SENP5: variants seen among roughly 807,000 people sequenced by gnomAD.
SENP5 encodes the protein sentrin-specific protease 5.
Under a neutral mutation model 74.2 loss-of-function variants are expected in SENP5, and 21 were observed. That is an observed-to-expected ratio of 0.28 (90% confidence interval 0.20 to 0.41). The LOEUF is 0.41. Ranked by LOEUF, SENP5 falls within the 10% of genes least tolerant of loss-of-function variation. The pLI is 1.00. For missense variants in SENP5, 717 were observed against 889.1 expected (o/e 0.81, Z 2.46); for synonymous variants, 311 against 312.7 (o/e 0.99, Z 0.06).
Position 196,885,274 on chromosome 3 carries a change from T to A in SENP5, c.93T>A (p.Phe31Leu), listed in dbSNP as rs751771901. 1.9e-6 allele frequency: 3 copies of A among 1,614,046 alleles called. No homozygotes were observed. The highest frequency in any genetic ancestry group is 2.5e-6 in the Non-Finnish European group (3 of 1,180,030). ...WNTGFGGFKK[F>L]YFHQHLCILK... The stretch of plus-strand genomic sequence containing the variant: ...CTGGGTTTGGAGGCTTTAAGAAGTT[T>A]TATTTTCACCAACACTTGTGCATTC... Residue 31 changes from phenylalanine to leucine, a missense_variant, in exon 2 of 10, where the codon TTT becomes TTA. Transcript: ENST00000323460.
intron 2 of SENP5, among the ~76,000 whole-genome samples, chr3:196,893,489 T>C (rs997596077): frequency 7.2e-5 from 11 of 152,212 alleles, no homozygotes; most frequent in African/African-American, 2.7e-4. Flanking sequence ...AGAGTTTTAA[T>C]TGTTACATTA....
At position 196,919,671 on chromosome 3, in the gene SENP5, C is replaced by T. The variant is rs144565055; in HGVS notation, c.1885-3743C>T. Among the ~76,000 whole-genome samples the T allele has an allele frequency of 1.3e-4, 19 of 151,908 alleles. 1 individual carries two copies. The highest frequency in any genetic ancestry group is 4.1e-4 in the African/African-American group (17 of 41,418). On this transcript the variant is annotated intron_variant, in intron 6 of 9. Transcript: ENST00000323460. ...AGCTGGGTGTGGTGGAGCATGCCTG[C>T]AATACCAGCTACTTGGGAGGCTGAG...
At chr3:196,879,525 G>A (rs966061382) in intron 1 of SENP5, among the ~76,000 whole-genome samples, 1 of 152,098 alleles carries the variant, frequency 6.6e-6, no homozygotes, top group African/African-American at 2.4e-5. Context: ...ACTTTTGACC[G>A]CTCCCTTCTG....
intron 6 of SENP5, chr3:196,914,586 A>AAAAAAAAAATATATATATATAT: frequency 2.1e-3 from 70 of 33,436 alleles, no homozygotes; most frequent in Non-Finnish European, 2.8e-3. Context: ...AAAAAAAAAA[A>AAAAAAAAAATATATATATATAT]ATATATATAT....
chr3:196,879,306 A>G (rs924463908), intron 1 of SENP5, among the ~76,000 whole-genome samples: 2 of 152,240 alleles, frequency 1.3e-5, no homozygotes, highest in Non-Finnish European at 2.9e-5. Flanking sequence ...TAGTTAAGCC[A>G]TGTAGTATAC....
chr3:196,914,342 A>T (rs1346068200), intron 6 of SENP5: 1 of 151,838 alleles, frequency 6.6e-6, no homozygotes, highest in African/African-American at 2.4e-5. Context: ...TAGTAAACTG[A>T]TGTTAAATAT....
chr3:196,880,997 A>G (rs938324695), intron 1 of SENP5, among the ~76,000 whole-genome samples: 2 of 151,744 alleles, frequency 1.3e-5, no homozygotes, highest in Admixed American at 1.3e-4. Context: ...CCCAGGCTAG[A>G]GTGCCATGGT....
intron 1 of SENP5, among the ~76,000 whole-genome samples, chr3:196,869,026 G>C (rs939254815): frequency 7.2e-5 from 11 of 151,994 alleles, no homozygotes; most frequent in Non-Finnish European, 1.3e-4. Context: ...CTCTCTCCTA[G>C]CCATCCACAT....
intron 2 of SENP5, among the ~76,000 whole-genome samples, chr3:196,888,501 T>C (rs916149223): frequency 2.0e-5 from 3 of 151,962 alleles, no homozygotes; most frequent in Non-Finnish European, 4.4e-5. Context: ...GGAGAATCGC[T>C]TGAACCTGGG....
At chr3:196,927,698 C>T in intron 7 of SENP5, 98 bp from the exon 8 acceptor site, 1 of 677,656 alleles carries the variant, frequency 1.5e-6, no homozygotes, top group Non-Finnish European at 2.6e-6. Flanking sequence ...AGTTATGGGG[C>T]CACAGCCTCC....
Position 196,930,642 on chromosome 3 carries a change from C to T in SENP5, c.2158-171C>T, listed in dbSNP as rs562260558. On this transcript the variant is annotated intron_variant, in intron 9 of 9. Coordinates refer to ENST00000323460, the MANE Select transcript of SENP5 (RefSeq NM_152699.5). ...GATAATTCATCCTGAAACCAACCCC[C>T]TCTCCCCCAAGTCTGTGGAAAAATT... 2.6e-5 allele frequency among the ~76,000 whole-genome samples: 4 copies of T among 152,262 alleles called. No individual in the cohort carries two copies. In the East Asian group the frequency reaches 5.8e-4, roughly 22 times the overall value.
intron 1 of SENP5, among the ~76,000 whole-genome samples, chr3:196,879,373 T>C (rs1319324964): frequency 6.6e-6 from 1 of 152,176 alleles, no homozygotes; most frequent in African/African-American, 2.4e-5. Flanking sequence ...GTCCCTGAAA[T>C]TAATTGTCTT....
rs548293501 is a variant in SENP5 at position 196,934,019 on chromosome 3, A to G, written c.*3096A>G. On this transcript the variant is annotated 3_prime_UTR_variant, in exon 10 of 10. Transcript: ENST00000323460. ...AGCAGACGCATCAGGTTGTAGTTGC[A>G]TCTTTACAGTGGTCTTTCCTTTTAT... 6.6e-6 allele frequency: 1 copy of G among 152,344 alleles called. No individual in the cohort carries two copies. Among genetic ancestry groups the G allele is most frequent in the South Asian group, 2.1e-4 (1 of 4,828 alleles). 9.4% of individuals were successfully genotyped at this position (152,344 alleles called of 1,614,324 possible).
intron 7 of SENP5, among the ~76,000 whole-genome samples, chr3:196,924,290 ATAAAGT>A (rs1404113642): frequency 2.0e-5 from 3 of 152,242 alleles, no homozygotes; most frequent in Admixed American, 6.5e-5. Context: ...TCTGTATATC[ATAAAGT>A]TAAAGGACAA....
chr3:196,929,541 T>G, intron 8 of SENP5, 92 bp from the exon 9 acceptor site: 1 of 766,178 alleles, frequency 1.3e-6, no homozygotes, highest in East Asian at 2.6e-5. Context: ...AAAAGTTTCC[T>G]ATCTTTTGCG....
intron 8 of SENP5, among the ~76,000 whole-genome samples, chr3:196,928,236 G>T (rs1715890326): frequency 6.6e-6 from 1 of 152,158 alleles, no homozygotes; most frequent in Non-Finnish European, 1.5e-5. Flanking sequence ...TGACTATTTG[G>T]ATCCACTGAG....
At chr3:196,897,380 T>TA (rs1714487311) in intron 2 of SENP5, among the ~76,000 whole-genome samples, 1 of 152,194 alleles carries the variant, frequency 6.6e-6, no homozygotes, top group Admixed American at 6.5e-5. Flanking sequence ...CTTTATCTGA[T>TA]ACCCTGATGA....
In SENP5 at chr3:196,874,833, C is replaced by T. The variant is rs140303605; in HGVS notation, c.-32+6760C>T. On this transcript the variant is annotated intron_variant, in intron 1 of 9. Transcript: ENST00000323460. Reference sequence around the variant, plus strand: ...GGCGGAGGTTGCAGTGAGCTGAGATCGTGCCATTGTACTCCAGCCTGGGCA... The same window carrying T: ...GGCGGAGGTTGCAGTGAGCTGAGATTGTGCCATTGTACTCCAGCCTGGGCA... Among the ~76,000 whole-genome samples the T allele has an allele frequency of 3.7e-3, 563 of 151,862 alleles. 4 individuals are homozygous for T. The highest frequency in any genetic ancestry group is 0.013 in the African/African-American group (540 of 41,382).
At chr3:196,916,604 T>A (rs1715388013) in intron 6 of SENP5, among the ~76,000 whole-genome samples, 1 of 151,220 alleles carries the variant, frequency 6.6e-6, no homozygotes, top group Non-Finnish European at 1.5e-5. Flanking sequence ...CTCAGCTCAC[T>A]GCAACCTCCA....
Sources: gnomAD v4.1 joint callset for allele counts (sites outside exome capture counted in the v4.1 genomes callset) on GRCh38, gnomAD v4.1.1 for gene constraint, MANE v1.5 for transcripts, NCBI Gene and HGNC (gene_info 2026-07-23, HGNC 2026-07-21) for gene names.